The following EBF1 variants were observed in gnomAD, a reference collection of about 807,000 sequenced individuals.
EBF1 encodes the protein EBF transcription factor 1, also known as transcription factor COE1.
Under a neutral mutation model 68.4 loss-of-function variants are expected in EBF1, and 10 were observed. The observed-to-expected ratio is 0.15, with a 90% CI of 0.09 to 0.25. EBF1 has a LOEUF of 0.25. Ranked by LOEUF, EBF1 falls within the 10% of genes least tolerant of loss-of-function variation. EBF1 has a pLI of 1.00. For missense variants in EBF1, 509 were observed against 794.4 expected (o/e 0.64, Z 4.32); for synonymous variants, 298 against 299.8 (o/e 0.99, Z 0.06).
At chr5:158,879,891 T>C (rs879378795) in intron 6 of EBF1, among the ~76,000 whole-genome samples, 3 of 152,178 alleles carry the variant, frequency 2.0e-5, no homozygotes, top group Non-Finnish European at 4.4e-5. Flanking sequence ...TTTCTGTGTC[T>C]GTCTCTCTCT....
At chr5:159,045,849 T>C (rs576690251) in intron 6 of EBF1, among the ~76,000 whole-genome samples, 1 of 152,176 alleles carries the variant, frequency 6.6e-6, no homozygotes, top group Non-Finnish European at 1.5e-5. Context: ...ATTTAGATCA[T>C]TCCAATTCTC....
intron 6 of EBF1, among the ~76,000 whole-genome samples, chr5:158,924,725 C>T (rs1305822405): frequency 3.3e-5 from 5 of 151,684 alleles, no homozygotes; most frequent in Non-Finnish European, 5.9e-5. Context: ...TGGTGGCGGG[C>T]GCCTGTAGTC....
intron 7 of EBF1, among the ~76,000 whole-genome samples, chr5:158,826,606 C>T (rs1306849632): frequency 6.6e-6 from 1 of 152,120 alleles, no homozygotes; most frequent in South Asian, 2.1e-4. Flanking sequence ...ATGCTTTAAT[C>T]ACTATATTTT....
At chr5:158,849,401 C>T (rs1041847405) in intron 6 of EBF1, among the ~76,000 whole-genome samples, 1 of 152,192 alleles carries the variant, frequency 6.6e-6, no homozygotes, top group Admixed American at 6.5e-5. Context: ...CTCCCTCACT[C>T]CCACACCATC....
intron 6 of EBF1, among the ~76,000 whole-genome samples, chr5:158,935,387 C>G (rs1811783651): frequency 6.6e-6 from 1 of 152,182 alleles, no homozygotes; most frequent in African/African-American, 2.4e-5. Context: ...CCCGCTTGCC[C>G]AGCAAGCCTC....
intron 6 of EBF1, among the ~76,000 whole-genome samples, chr5:158,880,404 T>C (rs2128087303): frequency 6.6e-6 from 1 of 152,254 alleles, no homozygotes; most frequent in African/African-American, 2.4e-5. Context: ...AAAGAAAATT[T>C]CGAAAAATTT....
At chr5:159,044,131 G>A (rs970470032) in intron 6 of EBF1, among the ~76,000 whole-genome samples, 3 of 152,132 alleles carry the variant, frequency 2.0e-5, no homozygotes, top group Non-Finnish European at 4.4e-5. Context: ...TAAAAATGAT[G>A]TTCTGTGTAT....
At chr5:158,879,419 A>T (rs1311421642) in intron 6 of EBF1, among the ~76,000 whole-genome samples, 1 of 152,236 alleles carries the variant, frequency 6.6e-6, no homozygotes, top group African/African-American at 2.4e-5. Context: ...GGGTGTTTCT[A>T]CCTGAAAGAT....
intron 6 of EBF1, among the ~76,000 whole-genome samples, chr5:158,959,007 G>A (rs1294138342): frequency 5.3e-5 from 8 of 152,178 alleles, no homozygotes; most frequent in Admixed American, 5.2e-4. Context: ...AACAATGTAA[G>A]TGACCAGAAT....
chr5:158,751,774 T>C (rs761742825), intron 10 of EBF1, among the ~76,000 whole-genome samples: 1 of 152,126 alleles, frequency 6.6e-6, no homozygotes, highest in Non-Finnish European at 1.5e-5. Flanking sequence ...TGAATACATC[T>C]TTAAAATTCT....
chr5:159,024,128 G>T (rs955569070), intron 6 of EBF1, among the ~76,000 whole-genome samples: 2 of 152,108 alleles, frequency 1.3e-5, no homozygotes, highest in African/African-American at 4.8e-5. Flanking sequence ...CACCCCAGAT[G>T]CTGAGATCCT....
At chr5:158,938,357 C>T (rs2127461795) in intron 6 of EBF1, among the ~76,000 whole-genome samples, 1 of 152,282 alleles carries the variant, frequency 6.6e-6, no homozygotes. Flanking sequence ...CCCTCCTCTG[C>T]TCCAGCATTA....
At chr5:159,036,244 G>A (rs1181729343) in intron 6 of EBF1, among the ~76,000 whole-genome samples, 1 of 152,152 alleles carries the variant, frequency 6.6e-6, no homozygotes, top group Non-Finnish European at 1.5e-5. Flanking sequence ...CTCATTTACA[G>A]ATTCAATGCC....
At chr5:159,036,077 TA>T (rs1208173409) in intron 6 of EBF1, among the ~76,000 whole-genome samples, 2 of 151,996 alleles carry the variant, frequency 1.3e-5, no homozygotes. Context: ...GGGTGCAGAG[TA>T]AGGGATAAAG....
At chr5:158,819,774 GA>G (rs1210808761) in intron 8 of EBF1, among the ~76,000 whole-genome samples, 12 of 152,156 alleles carry the variant, frequency 7.9e-5, no homozygotes, top group Admixed American at 5.9e-4. Context: ...GCTTAAAGAA[GA>G]AACCTCACTA....
chr5:159,061,680 G>A (rs770539749), intron 6 of EBF1, among the ~76,000 whole-genome samples: 17 of 151,984 alleles, frequency 1.1e-4, no homozygotes, highest in Non-Finnish European at 1.6e-4. Context: ...TCGAAACATG[G>A]CTCAAGAAGC....
At position 158,731,145 on chromosome 5, in the gene EBF1, G is replaced by T; in HGVS notation, c.1049C>A (p.Pro350His). The change falls in exon 11 of 16, where the codon CCC becomes CAC. Residue 350 changes from proline (P) to histidine (H), a missense_variant. Pro to His is a moderately conservative substitution (Grantham distance 77). This residue lies in a region of EBF1 where 230 missense variants were observed against 467.7 expected (regional missense o/e 0.49). Coordinates refer to ENST00000313708, the MANE Select transcript of EBF1 (RefSeq NM_024007.5). ...CCTCTGGAAACCATAATCGATGGTGGGTTCGTTGAGCGCTGCAATAAAGAA... is the reference window on the plus strand; with the variant it reads ...CCTCTGGAAACCATAATCGATGGTGTGTTCGTTGAGCGCTGCAATAAAGAA... The part of the protein sequence containing the change: ...GRFIYTALNE[P>H]TIDYGFQRLQ... 6.2e-7 allele frequency: 1 copy of T among 1,613,934 alleles called. No individual in the cohort carries two copies. Among genetic ancestry groups the T allele is most frequent in the Non-Finnish European group, 8.5e-7 (1 of 1,179,882 alleles).
chr5:158,880,787 A>C (rs1027442210), intron 6 of EBF1, among the ~76,000 whole-genome samples: 1 of 152,290 alleles, frequency 6.6e-6, no homozygotes, highest in East Asian at 1.9e-4. Flanking sequence ...AGTTGTTTGT[A>C]GTGTGAAGGG....
intron 7 of EBF1, among the ~76,000 whole-genome samples, chr5:158,835,137 A>G (rs531464414): frequency 5.3e-5 from 8 of 152,204 alleles, no homozygotes; most frequent in Non-Finnish European, 8.8e-5. Flanking sequence ...TCTTCAACCA[A>G]TATCATTATG....
Sources: gnomAD v4.1 joint callset for allele counts (sites outside exome capture counted in the v4.1 genomes callset) on GRCh38, gnomAD v4.1.1 for gene constraint, gnomAD v4.1.1 regional missense constraint, MANE v1.5 for transcripts, NCBI Gene and HGNC (gene_info 2026-07-23, HGNC 2026-07-21) for gene names.